CD247: variants seen among roughly 807,000 people sequenced by gnomAD.
CD247 encodes T-cell surface glycoprotein CD3 zeta chain.
CD247 carries 13 observed loss-of-function variants against 30.0 expected under a neutral mutation model. The observed-to-expected ratio is 0.43, with a 90% CI of 0.28 to 0.69. The LOEUF (loss-of-function observed/expected upper bound fraction) is 0.69. CD247 is among the 30% of genes least tolerant of loss of function. The pLI is 0.16. For missense variants in CD247, 193 were observed against 212.6 expected (o/e 0.91, Z 0.57); for synonymous variants, 72 against 80.0 (o/e 0.90, Z 0.53).
In CD247 at chr1:167,445,249, G is replaced by A. The variant is rs528495988; in HGVS notation, c.59-4482C>T. Among the ~76,000 whole-genome samples the A allele has an allele frequency of 1.1e-4, 16 of 152,210 alleles. No homozygotes were observed. In the East Asian group the frequency reaches 2.3e-3, roughly 22 times the overall value. Reference sequence around the variant, plus strand: ...CCAAATATGATACTTCTTATGGGGTGAGGATAAAATAAAATAATTCTTATG... The same window carrying A: ...CCAAATATGATACTTCTTATGGGGTAAGGATAAAATAAAATAATTCTTATG... On this transcript the variant is annotated intron_variant, in intron 1 of 7. Coordinates refer to ENST00000362089, the MANE Select transcript of CD247 (RefSeq NM_198053.3).
chr1:167,518,216 C>T (rs61619239), intron 1 of CD247, among the ~76,000 whole-genome samples, 192 bp downstream of exon 1: 274 of 152,192 alleles, frequency 1.8e-3, no homozygotes, highest in African/African-American at 6.3e-3. Context: ...GAACTGATGC[C>T]CAACTCGGCT....
intron 1 of CD247, among the ~76,000 whole-genome samples, chr1:167,491,236 G>A (rs1362586108): frequency 1.3e-5 from 2 of 152,174 alleles, no homozygotes; most frequent in South Asian, 2.1e-4. Context: ...TGGTACAGCT[G>A]TTGTGGAAAA....
At chr1:167,511,366 G>A (rs2982483) in intron 1 of CD247, among the ~76,000 whole-genome samples, 61,066 of 151,998 alleles carry the variant, frequency 0.4, 13,215 homozygotes, top group East Asian at 0.62. Context: ...GTGGGGTGGT[G>A]AGCGGTGTGC....
At chr1:167,506,384 G>A (rs1571598689) in intron 1 of CD247, among the ~76,000 whole-genome samples, 1 of 119,914 alleles carries the variant, frequency 8.3e-6, no homozygotes, top group Non-Finnish European at 1.6e-5. Context: ...CTCTCACTCT[G>A]TTGTCCAGGC....
At chr1:167,472,247 A>T (rs1393650995) in intron 1 of CD247, among the ~76,000 whole-genome samples, 6 of 152,186 alleles carry the variant, frequency 3.9e-5, no homozygotes, top group African/African-American at 1.4e-4. Context: ...TCTTTGGCAC[A>T]TAGAAGTTGA....
intron 1 of CD247, among the ~76,000 whole-genome samples, chr1:167,456,387 A>T (rs1485714915): frequency 1.3e-5 from 2 of 152,206 alleles, no homozygotes; most frequent in African/African-American, 4.8e-5. Flanking sequence ...GCTTGAGCTA[A>T]CCAGGTGGCA....
At chr1:167,449,156 T>TTC (rs1553229978) in intron 1 of CD247, among the ~76,000 whole-genome samples, 1 of 113,596 alleles carries the variant, frequency 8.8e-6, no homozygotes, top group Admixed American at 9.6e-5. Flanking sequence ...TTTCTTTTTT[T>TTC]TTTTTTTTTT....
At chr1:167,446,547 G>A (rs1018097351) in intron 1 of CD247, among the ~76,000 whole-genome samples, 17 of 152,152 alleles carry the variant, frequency 1.1e-4, no homozygotes, top group African/African-American at 1.4e-4. Flanking sequence ...GCACAGTGGC[G>A]CATGCTAAGA....
intron 1 of CD247, among the ~76,000 whole-genome samples, chr1:167,446,497 A>C (rs1162382145): frequency 6.6e-6 from 1 of 152,110 alleles, no homozygotes; most frequent in East Asian, 1.9e-4. Context: ...GACCGATTTC[A>C]CGGGTGCAGA....
intron 1 of CD247, among the ~76,000 whole-genome samples, chr1:167,471,668 T>G (rs940662831): frequency 1.3e-5 from 2 of 152,068 alleles, no homozygotes; most frequent in African/African-American, 4.8e-5. Flanking sequence ...AGTGGTATGT[T>G]CCTAGCTCAC....
chr1:167,440,910 C>T, intron 1 of CD247, 143 bp from the exon 2 acceptor site: 5 of 688,182 alleles, frequency 7.3e-6, no homozygotes, highest in African/African-American at 1.8e-5. Context: ...AGCCTGATCA[C>T]AACCCTCTCC....
At chr1:167,516,273 A>G (rs572320924) in intron 1 of CD247, among the ~76,000 whole-genome samples, 1 of 152,380 alleles carries the variant, frequency 6.6e-6, no homozygotes, top group African/African-American at 2.4e-5. Flanking sequence ...AAGTGTGCCC[A>G]TGCCACTAGG....
chr1:167,448,540 C>CA, intron 1 of CD247: 1 of 985,402 alleles, frequency 1.0e-6, no homozygotes, highest in Non-Finnish European at 1.2e-6. Flanking sequence ...GGCCAGGACT[C>CA]ACACTGCCCA....
At chr1:167,465,792 T>C (rs1019336551) in intron 1 of CD247, among the ~76,000 whole-genome samples, 12 of 152,244 alleles carry the variant, frequency 7.9e-5, no homozygotes, top group African/African-American at 2.9e-4. Context: ...TCTGAGCATC[T>C]AGTCATTTGG....
In CD247 at chr1:167,431,479, T is replaced by TG. The variant is rs1372864802; in HGVS notation, c.*201dup. On this transcript the variant is annotated 3_prime_UTR_variant, in exon 8 of 8. Transcript: ENST00000362089. ...GGCCCAAGGCCAGGGCCGTAAGCCCTGGGAGTACACTCCCTTAAAGAGTGC... is the reference window on the plus strand; with the variant it reads ...GGCCCAAGGCCAGGGCCGTAAGCCCTGGGGAGTACACTCCCTTAAAGAGTGC... The TG allele has an allele frequency of 7.7e-6, 5 of 646,990 alleles. No individual in the cohort carries two copies. In the East Asian group the frequency reaches 1.1e-4, roughly 14 times the overall value. The allele number at this position is 646,990 out of a possible 1,614,324, so 40.1% of individuals were successfully genotyped here. A position where few individuals can be genotyped will look rare whatever the true frequency, so the allele number is the denominator to read the frequency against.
intron 1 of CD247, among the ~76,000 whole-genome samples, chr1:167,472,829 G>A (rs1432581262): frequency 6.6e-6 from 1 of 152,150 alleles, no homozygotes; most frequent in Non-Finnish European, 1.5e-5. Flanking sequence ...CACACACTGT[G>A]AGGGCCTGTT....
chr1:167,446,156 C>T lies in CD247; in HGVS notation c.59-5389G>A, dbSNP rs145036616. Among the ~76,000 whole-genome samples, 67 of 152,250 alleles carry T rather than the reference C, an allele frequency of 4.4e-4. No individual in the cohort carries two copies. The East Asian group carries it at 7.7e-3, about 18-fold the overall frequency. The stretch of plus-strand genomic sequence containing the variant: ...GCAGCTGACCTATGGGCTCAGGATC[C>T]GGAGTTTCCACCTACCTCTGATTTC... On this transcript the variant is annotated intron_variant, in intron 1 of 7. Transcript: ENST00000362089.
At chr1:167,431,866 A>C in intron 7 of CD247, 120 bp from the exon 8 acceptor site, 1 of 847,272 alleles carries the variant, frequency 1.2e-6, no homozygotes. Context: ...CCCAGCCTCC[A>C]GAGGCCCAGG....
chr1:167,440,604 T>C, intron 2 of CD247, 60 bp downstream of exon 2: 1 of 1,147,380 alleles, frequency 8.7e-7, no homozygotes, highest in Middle Eastern at 2.2e-4. Flanking sequence ...CCAAGGCCCC[T>C]CTGAACATCC....
Sources: allele counts gnomAD v4.1 joint callset (sites outside exome capture counted in the v4.1 genomes callset), GRCh38; gene constraint gnomAD v4.1.1; transcripts MANE v1.5; gene names NCBI Gene and HGNC (gene_info 2026-07-23, HGNC 2026-07-21).